LY86: variants seen among roughly 807,000 people sequenced by gnomAD.
LY86 encodes lymphocyte antigen 86.
LY86 carries 20 observed loss-of-function variants against 17.3 expected under a neutral mutation model. The ratio of observed to expected loss-of-function variants is 1.15; its 90% CI spans 0.81 to 1.68. The LOEUF is 1.68. Ranked by LOEUF, LY86 falls within the 40% of genes most tolerant of loss-of-function variation. The pLI, the probability that LY86 is intolerant of heterozygous loss-of-function variation, is 0.00. For missense variants in LY86, 200 were observed against 191.9 expected, an observed-to-expected ratio of 1.04 and a Z score of -0.25; for synonymous variants, 74 against 70.6, an observed-to-expected ratio of 1.05 and a Z score of -0.24.
intron 1 of LY86, among the ~76,000 whole-genome samples, chr6:6,617,866 T>A (rs1761590780): frequency 6.6e-6 from 1 of 152,216 alleles, no homozygotes; most frequent in Non-Finnish European, 1.5e-5. Context: ...CTTGAGACAG[T>A]GTCTCACTCT....
intron 1 of LY86, among the ~76,000 whole-genome samples, chr6:6,623,038 G>T (rs1761714665): frequency 6.6e-6 from 1 of 152,206 alleles, no homozygotes; most frequent in South Asian, 2.1e-4. Flanking sequence ...ACAGTAAAAT[G>T]AGGTAAATCA....
intron 1 of LY86, among the ~76,000 whole-genome samples, chr6:6,605,676 T>C (rs772326144): frequency 7.9e-5 from 12 of 152,244 alleles, no homozygotes; most frequent in Non-Finnish European, 1.6e-4. Context: ...TGATGGGTTC[T>C]TCATCTCACG....
chr6:6,589,529 G>GT (rs1229731665), intron 1 of LY86, among the ~76,000 whole-genome samples: 5 of 152,232 alleles, frequency 3.3e-5, no homozygotes, highest in African/African-American at 1.2e-4. Context: ...GTGAACTGTG[G>GT]TAAGAAGTGT....
chr6:6,597,877 C>T (rs1025705859), intron 1 of LY86, among the ~76,000 whole-genome samples: 1 of 152,266 alleles, frequency 6.6e-6, no homozygotes, highest in African/African-American at 2.4e-5. Context: ...GCCAGAATGG[C>T]GTCCAAAGGC....
intron 3 of LY86, among the ~76,000 whole-genome samples, chr6:6,649,256 C>G (rs1248852811): frequency 6.6e-6 from 1 of 152,228 alleles, no homozygotes; most frequent in Non-Finnish European, 1.5e-5. Flanking sequence ...CCCCATGATT[C>G]AGTTACCTCC....
chr6:6,605,244 C>G (rs1761068766), intron 1 of LY86, among the ~76,000 whole-genome samples: 1 of 151,848 alleles, frequency 6.6e-6, no homozygotes, highest in Non-Finnish European at 1.5e-5. Context: ...TAAAATTTGG[C>G]AGTTAAAAAC....
At position 6,616,809 on chromosome 6, in the gene LY86, C is replaced by G. The variant is rs901178242; in HGVS notation, c.137-8117C>G. ...AGAAAAGTCCCAGAGATCATCTTTG[C>G]AGCTGTGCAGTCACGTAAACCACCC... On this transcript the variant is annotated intron_variant, in intron 1 of 4. Transcript: ENST00000230568. Among the ~76,000 whole-genome samples the G allele has an allele frequency of 2.0e-5, 3 of 152,236 alleles. No homozygotes were observed. The East Asian group carries it at 5.8e-4, about 29-fold the overall frequency.
At chr6:6,628,126 C>T (rs913508512) in intron 3 of LY86, among the ~76,000 whole-genome samples, 31 of 152,088 alleles carry the variant, frequency 2.0e-4, no homozygotes, top group African/African-American at 6.0e-4. Context: ...TAATCAAGTA[C>T]GTTCATGCAT....
At chr6:6,599,532 C>G (rs1164702686) in intron 1 of LY86, among the ~76,000 whole-genome samples, 4 of 149,620 alleles carry the variant, frequency 2.7e-5, no homozygotes, top group Admixed American at 6.6e-5. Context: ...GTGAGGCTGA[C>G]TGACTGGTTT....
At chr6:6,611,310 C>T (rs1761325876) in intron 1 of LY86, among the ~76,000 whole-genome samples, 1 of 152,176 alleles carries the variant, frequency 6.6e-6, no homozygotes, top group Non-Finnish European at 1.5e-5. Flanking sequence ...ACATAGGCTC[C>T]TACTCCAGCC....
At chr6:6,621,637 C>T (rs996325803) in intron 1 of LY86, among the ~76,000 whole-genome samples, 1 of 152,126 alleles carries the variant, frequency 6.6e-6, no homozygotes, top group African/African-American at 2.4e-5. Flanking sequence ...TTCTAGACAT[C>T]CTATGATGTG....
intron 3 of LY86, among the ~76,000 whole-genome samples, chr6:6,643,294 A>G (rs1762065419): frequency 6.6e-6 from 1 of 152,230 alleles, no homozygotes; most frequent in African/African-American, 2.4e-5. Context: ...GAATGGATAA[A>G]GACAATTTGG....
At chr6:6,616,860 CCT>C (rs1187445157) in intron 1 of LY86, among the ~76,000 whole-genome samples, 16 of 152,178 alleles carry the variant, frequency 1.1e-4, no homozygotes, top group Admixed American at 8.5e-4. Context: ...GTTTCTGTCC[CCT>C]GTCAAGAGAC....
chr6:6,594,967 G>A (rs1014940493), intron 1 of LY86, among the ~76,000 whole-genome samples: 3 of 152,120 alleles, frequency 2.0e-5, no homozygotes, highest in Non-Finnish European at 4.4e-5. Flanking sequence ...ACTCTAGTAG[G>A]GAGTAAGTCA....
chr6:6,650,388 G>T lies in LY86; in HGVS notation c.405+711G>T, dbSNP rs189949873. On this transcript the variant is annotated intron_variant, in intron 4 of 4. Coordinates refer to ENST00000230568, the MANE Select transcript of LY86 (RefSeq NM_004271.4). ...CTTGTTCTGCCTCCCAGGCTGGAGT[G>T]CAGGGGCATGATCTCAGCTCACTGC... Among the ~76,000 whole-genome samples the T allele has an allele frequency of 6.0e-5, 9 of 149,026 alleles. No individual in the cohort carries two copies. In the East Asian group the frequency reaches 1.8e-3, roughly 29 times the overall value.
At chr6:6,631,137 TC>T (rs1761892069) in intron 3 of LY86, among the ~76,000 whole-genome samples, 1 of 152,132 alleles carries the variant, frequency 6.6e-6, no homozygotes, top group Non-Finnish European at 1.5e-5. Flanking sequence ...ATTTTGAAGC[TC>T]CCAACATCCA....
chr6:6,609,639 C>G (rs1377435652), intron 1 of LY86, among the ~76,000 whole-genome samples: 2 of 152,198 alleles, frequency 1.3e-5, no homozygotes, highest in African/African-American at 4.8e-5. Flanking sequence ...TATGAGTCAG[C>G]TCTGCCAACA....
intron 1 of LY86, among the ~76,000 whole-genome samples, chr6:6,603,081 C>T (rs186259869): frequency 3.3e-5 from 5 of 151,924 alleles, no homozygotes; most frequent in Non-Finnish European, 7.4e-5. Context: ...GATGGTCCTC[C>T]CGACTCTGTC....
At chr6:6,647,882 C>A (rs1762127455) in intron 3 of LY86, among the ~76,000 whole-genome samples, 1 of 152,010 alleles carries the variant, frequency 6.6e-6, no homozygotes, top group African/African-American at 2.4e-5. Flanking sequence ...CTTACCTTTT[C>A]CCTAAAATTC....
Sources: gnomAD v4.1 joint callset for allele counts (sites outside exome capture counted in the v4.1 genomes callset) on GRCh38, gnomAD v4.1.1 for gene constraint, MANE v1.5 for transcripts, NCBI Gene and HGNC (gene_info 2026-07-23, HGNC 2026-07-21) for gene names.